EEFSEC: variants seen among roughly 807,000 people sequenced by gnomAD.
The protein encoded by EEFSEC is eukaryotic elongation factor, selenocysteine-tRNA specific.
A neutral mutation model predicts 42.1 loss-of-function variants in EEFSEC; 43 were observed. That is an observed-to-expected ratio of 1.02 (90% CI 0.80 to 1.32). The LOEUF (loss-of-function observed/expected upper bound fraction) is 1.32, where lower values mean the gene tolerates loss of function less well. Ranked by LOEUF, EEFSEC falls within the 40% of genes most tolerant of loss-of-function variation. The pLI, the probability that EEFSEC is intolerant of heterozygous loss-of-function variation, is 0.00. For missense variants in EEFSEC, 745 were observed against 803.6 expected, an observed-to-expected ratio of 0.93 and a Z score of 0.88; for synonymous variants, 354 against 339.1, an observed-to-expected ratio of 1.04 and a Z score of -0.48.
rs528693671 is a variant in EEFSEC, at chr3:128,314,783, A to G, written c.787-26450A>G. Among the ~76,000 whole-genome samples the G allele has an allele frequency of 2.0e-5, 3 of 152,344 alleles. No homozygotes were observed. In the South Asian group the frequency reaches 6.2e-4, roughly 32 times the overall value. On this transcript the variant is annotated intron_variant, in intron 4 of 6. Coordinates refer to ENST00000254730, the MANE Select transcript of EEFSEC (RefSeq NM_021937.5). ...CCATGTGACGACCAAAAATGTATCC[A>G]GGTCCAGACATTGCCAACTTTCCCA... is the stretch of plus-strand genomic sequence containing the variant.
At chr3:128,188,375 G>T (rs2065485877) in intron 1 of EEFSEC, among the ~76,000 whole-genome samples, 1 of 152,158 alleles carries the variant, frequency 6.6e-6, no homozygotes, top group Admixed American at 6.5e-5. Context: ...GGGGGTGGCA[G>T]GCATGCAGCA....
intron 1 of EEFSEC, among the ~76,000 whole-genome samples, chr3:128,164,587 C>G (rs866189200): frequency 6.6e-6 from 1 of 152,132 alleles, no homozygotes; most frequent in Non-Finnish European, 1.5e-5. Context: ...GCCAGGTTGG[C>G]TGGGTCACAG....
At chr3:128,298,329 A>G (rs1559909002) in intron 4 of EEFSEC, among the ~76,000 whole-genome samples, 5 of 152,134 alleles carry the variant, frequency 3.3e-5, no homozygotes, top group Admixed American at 3.3e-4. Context: ...AAAGTTTTTT[A>G]TAGAGATGGG....
At chr3:128,215,723 A>G (rs1172041563) in intron 1 of EEFSEC, among the ~76,000 whole-genome samples, 1 of 152,106 alleles carries the variant, frequency 6.6e-6, no homozygotes, top group Non-Finnish European at 1.5e-5. Flanking sequence ...GGCCTCAAAT[A>G]ATGTTGTTAG....
intron 1 of EEFSEC, among the ~76,000 whole-genome samples, chr3:128,155,764 T>G (rs1032204106): frequency 1.3e-5 from 2 of 152,214 alleles, no homozygotes; most frequent in Non-Finnish European, 2.9e-5. Context: ...GTACAGTACT[T>G]CATCTTTGTT....
At chr3:128,164,489 C>G (rs1478418444) in intron 1 of EEFSEC, among the ~76,000 whole-genome samples, 1 of 152,064 alleles carries the variant, frequency 6.6e-6, no homozygotes, top group Non-Finnish European at 1.5e-5. Context: ...TTAGCAGAGT[C>G]CAGAGGCATG....
intron 4 of EEFSEC, among the ~76,000 whole-genome samples, chr3:128,293,038 A>C (rs1035018143): frequency 5.9e-5 from 9 of 152,178 alleles, no homozygotes; most frequent in Admixed American, 4.6e-4. Flanking sequence ...CCTTTGACCC[A>C]TGGGTTATTT....
intron 4 of EEFSEC, among the ~76,000 whole-genome samples, chr3:128,292,477 A>G (rs2066654296): frequency 1.3e-5 from 2 of 151,620 alleles, no homozygotes; most frequent in South Asian, 4.1e-4. Context: ...TCTTTTAATT[A>G]TGTATTTAAA....
At chr3:128,336,173 A>T (rs964528239) in intron 4 of EEFSEC, among the ~76,000 whole-genome samples, 3 of 152,060 alleles carry the variant, frequency 2.0e-5, no homozygotes, top group Admixed American at 2.0e-4. Flanking sequence ...ACCTAGCATG[A>T]GGCAGATCCT....
At chr3:128,331,670 G>A (rs1348751348) in intron 4 of EEFSEC, among the ~76,000 whole-genome samples, 1 of 152,080 alleles carries the variant, frequency 6.6e-6, no homozygotes, top group East Asian at 1.9e-4. Context: ...TGGGACAGTA[G>A]ATGTTGGGGA....
intron 1 of EEFSEC, among the ~76,000 whole-genome samples, chr3:128,226,940 G>A (rs920164569): frequency 6.6e-6 from 1 of 152,180 alleles, no homozygotes; most frequent in Non-Finnish European, 1.5e-5. Flanking sequence ...CCACTAAGGT[G>A]GGAATGCTTG....
At chr3:128,365,778 A>T (rs1201376113) in intron 6 of EEFSEC, among the ~76,000 whole-genome samples, 1 of 152,228 alleles carries the variant, frequency 6.6e-6, no homozygotes. Flanking sequence ...TGGCTGTGCC[A>T]CAAGGACCTC....
chr3:128,253,231 T>C (rs769768577), intron 2 of EEFSEC, among the ~76,000 whole-genome samples: 1 of 152,234 alleles, frequency 6.6e-6, no homozygotes, highest in Non-Finnish European at 1.5e-5. Context: ...CCATGCACGT[T>C]CCTACAACTC....
At chr3:128,300,251 A>G (rs1273956336) in intron 4 of EEFSEC, among the ~76,000 whole-genome samples, 2 of 152,180 alleles carry the variant, frequency 1.3e-5, no homozygotes, top group African/African-American at 4.8e-5. Flanking sequence ...CCAGCACTGT[A>G]AGCAGGAATC....
chr3:128,316,892 C>T (rs545283401), intron 4 of EEFSEC, among the ~76,000 whole-genome samples: 1 of 152,220 alleles, frequency 6.6e-6, no homozygotes, highest in Admixed American at 6.5e-5. Context: ...CCAGCCCCGA[C>T]CTTCCTTGTA....
intron 4 of EEFSEC, among the ~76,000 whole-genome samples, chr3:128,289,378 C>T (rs1184246849): frequency 6.6e-6 from 1 of 152,216 alleles, no homozygotes; most frequent in Non-Finnish European, 1.5e-5. Context: ...GATGCAGGCT[C>T]TAGAGCCATA....
chr3:128,199,218 C>T (rs2065618734), intron 1 of EEFSEC, among the ~76,000 whole-genome samples: 1 of 152,190 alleles, frequency 6.6e-6, no homozygotes, highest in Non-Finnish European at 1.5e-5. Flanking sequence ...TTTTTTCTCA[C>T]TACAAAGCTT....
At chr3:128,344,233 C>A (rs528067286) in intron 5 of EEFSEC, among the ~76,000 whole-genome samples, 3 of 152,394 alleles carry the variant, frequency 2.0e-5, no homozygotes, top group East Asian at 1.9e-4. Context: ...CCTCCCTCCA[C>A]TCTGTCACCA....
In EEFSEC at chr3:128,395,803, C is replaced by T. The variant is rs574737024; in HGVS notation, c.1601-12266C>T. Among the ~76,000 whole-genome samples, 11 of 152,346 alleles carry T rather than the reference C, an allele frequency of 7.2e-5. 1 individual carries two copies. In the South Asian group the frequency reaches 2.3e-3, roughly 32 times the overall value. On this transcript the variant is annotated intron_variant, in intron 6 of 6. Transcript: ENST00000254730. ...GACGGAGACACAATGATACAGCACC[C>T]TCAGCCACAGCCATGATCAGAATGG...
Sources: allele counts gnomAD v4.1 joint callset (sites outside exome capture counted in the v4.1 genomes callset), GRCh38; gene constraint gnomAD v4.1.1; transcripts MANE v1.5; gene names NCBI Gene and HGNC (gene_info 2026-07-23, HGNC 2026-07-21).